The following ARID1B variants were observed in gnomAD, a reference collection of about 807,000 sequenced individuals.
The protein encoded by ARID1B is AT-rich interactive domain-containing protein 1B.
A neutral mutation model predicts 212.3 loss-of-function variants in ARID1B; 30 were observed. The observed-to-expected ratio is 0.14, with a 90% CI of 0.11 to 0.19. The LOEUF is 0.19. ARID1B is among the 10% of genes least tolerant of loss of function. The pLI, the probability that ARID1B is intolerant of heterozygous loss-of-function variation, is 1.00. For missense variants in ARID1B, 2,891 were observed against 3,204.0 expected, an observed-to-expected ratio of 0.90 and a Z score of 2.36; for synonymous variants, 1,402 against 1,301.7, an observed-to-expected ratio of 1.08 and a Z score of -1.66.
intron 4 of ARID1B, among the ~76,000 whole-genome samples, chr6:156,946,203 G>GAA (rs58722867): frequency 0.033 from 4,188 of 127,922 alleles, 219 homozygotes; most frequent in East Asian, 0.24. Flanking sequence ...CTAAAAATAC[G>GAA]AAAAAAAAAA....
intron 4 of ARID1B, among the ~76,000 whole-genome samples, chr6:156,945,193 C>T (rs1793007769): frequency 1.4e-5 from 2 of 145,512 alleles, no homozygotes; most frequent in South Asian, 4.4e-4. Context: ...CCTCTGCCAC[C>T]CAAAGTACTG....
At chr6:157,062,860 C>T (rs1583238649) in intron 4 of ARID1B, among the ~76,000 whole-genome samples, 1 of 151,718 alleles carries the variant, frequency 6.6e-6, no homozygotes, top group Admixed American at 6.6e-5. Context: ...CGCACCAGCA[C>T]ACCTGCCTAA....
intron 7 of ARID1B, among the ~76,000 whole-genome samples, chr6:157,136,994 A>G (rs932934991): frequency 3.3e-5 from 5 of 152,166 alleles, no homozygotes; most frequent in African/African-American, 9.7e-5. Flanking sequence ...CCTGGGCAAC[A>G]TGGTAGAACC....
chr6:156,983,028 G>T (rs529996802), intron 4 of ARID1B, among the ~76,000 whole-genome samples: 1 of 151,710 alleles, frequency 6.6e-6, no homozygotes, highest in African/African-American at 2.4e-5. Context: ...CTGGGAGGTG[G>T]AGGTTGCAGT....
chr6:156,810,514 A>G (rs574793125), intron 1 of ARID1B, among the ~76,000 whole-genome samples: 3 of 152,184 alleles, frequency 2.0e-5, no homozygotes, highest in Non-Finnish European at 2.9e-5. Flanking sequence ...CTCTCTTGCT[A>G]TTTCACAGCC....
intron 2 of ARID1B, among the ~76,000 whole-genome samples, chr6:156,880,739 C>CAAAAAAAAAAAAAAAAAAAAA (rs141153792): frequency 1.1e-5 from 1 of 86,992 alleles, no homozygotes; most frequent in Admixed American, 1.7e-4. Flanking sequence ...GACTCTGTCT[C>CAAAAAAAAAAAAAAAAAAAAA]AAAAAAAAAA....
chr6:157,187,562 C>T (rs986276878), intron 13 of ARID1B, among the ~76,000 whole-genome samples: 3 of 152,162 alleles, frequency 2.0e-5, no homozygotes, highest in Non-Finnish European at 2.9e-5. Flanking sequence ...GGTAAATTAT[C>T]TTCCCAGCTA....
intron 4 of ARID1B, among the ~76,000 whole-genome samples, chr6:156,957,608 A>G (rs532340163): frequency 6.6e-6 from 1 of 152,316 alleles, no homozygotes; most frequent in African/African-American, 2.4e-5. Context: ...ATGGTTTGGT[A>G]AATCATGTCC....
At chr6:157,104,936 G>A (rs941629651) in intron 5 of ARID1B, among the ~76,000 whole-genome samples, 2 of 152,160 alleles carry the variant, frequency 1.3e-5, no homozygotes, top group African/African-American at 4.8e-5. Flanking sequence ...AAGGTGAGGA[G>A]CACTATTCTT....
rs749255450 is a variant in ARID1B, at chr6:157,184,445, G to A, written c.3919+10G>A. 14 of 1,613,710 alleles carry A rather than the reference G, an allele frequency of 8.7e-6. No individual in the cohort carries two copies. The highest frequency in any genetic ancestry group is 2.7e-5 in the African/African-American group (2 of 74,940). On this transcript the variant is annotated intron_variant, in intron 13 of 19. Coordinates refer to ENST00000636930, the MANE Select transcript of ARID1B (RefSeq NM_001374828.1). ...CAGCCGCCATCTCCTGGTAAGTGGC[G>A]GCGCTGCAGTCACTGGCCCAGGAAA...
At chr6:156,850,588 C>T (rs1023969439) in intron 2 of ARID1B, among the ~76,000 whole-genome samples, 7 of 152,220 alleles carry the variant, frequency 4.6e-5, no homozygotes, top group South Asian at 4.2e-4. Flanking sequence ...AGTGGCTCTT[C>T]GTTGTAATTA....
In ARID1B at chr6:156,838,058, C is replaced by G. The variant is rs542896655; in HGVS notation, c.1986+8637C>G. 3.3e-5 allele frequency among the ~76,000 whole-genome samples: 5 copies of G among 152,268 alleles called. No homozygotes were observed. In the South Asian group the frequency reaches 1.0e-3, roughly 32 times the overall value. On this transcript the variant is annotated intron_variant, in intron 2 of 19. Transcript: ENST00000636930. ...AGTGTGTTTAATTTAGAAAGCAGAC[C>G]ATATTCCAAAGAATGAGCCAAATTC... is the stretch of plus-strand genomic sequence containing the variant.
intron 5 of ARID1B, among the ~76,000 whole-genome samples, chr6:157,102,508 TA>T (rs972123516): frequency 4.6e-5 from 7 of 152,114 alleles, no homozygotes; most frequent in South Asian, 2.1e-4. Context: ...CCTTCCCCTT[TA>T]AATATGGAAG....
intron 1 of ARID1B, among the ~76,000 whole-genome samples, chr6:156,823,688 G>GTTGTTT (rs371775783): frequency 1.7e-5 from 2 of 118,030 alleles, no homozygotes; most frequent in African/African-American, 3.2e-5. Context: ...TTTCTTTGTT[G>GTTGTTT]TTTTTTTTTT....
chr6:156,972,213 A>T (rs1292992057), intron 4 of ARID1B, among the ~76,000 whole-genome samples: 3 of 152,222 alleles, frequency 2.0e-5, no homozygotes, highest in African/African-American at 7.2e-5. Flanking sequence ...AATTTTAGTT[A>T]ATGTATACTT....
chr6:157,156,800 C>T (rs1227392404), intron 8 of ARID1B, among the ~76,000 whole-genome samples: 1 of 152,166 alleles, frequency 6.6e-6, no homozygotes, highest in Non-Finnish European at 1.5e-5. Flanking sequence ...CTGCAGAGCA[C>T]GGAGGCAGCA....
intron 2 of ARID1B, among the ~76,000 whole-genome samples, chr6:156,835,114 C>T (rs1397181048): frequency 3.3e-5 from 5 of 151,870 alleles, no homozygotes; most frequent in African/African-American, 4.8e-5. Context: ...GTGGCGGGCG[C>T]CTGTAGTCCC....
intron 1 of ARID1B, among the ~76,000 whole-genome samples, chr6:156,786,086 C>G (rs1011968543): frequency 9.9e-5 from 15 of 152,166 alleles, no homozygotes; most frequent in Non-Finnish European, 2.2e-4. Flanking sequence ...TGAACTGTTA[C>G]CATTCTCACT....
At chr6:157,040,654 C>CG (rs1164300895) in intron 4 of ARID1B, among the ~76,000 whole-genome samples, 1 of 152,150 alleles carries the variant, frequency 6.6e-6, no homozygotes, top group African/African-American at 2.4e-5. Flanking sequence ...GTACATGTGG[C>CG]GAAACTACAA....
Sources: gnomAD v4.1 joint callset for allele counts (sites outside exome capture counted in the v4.1 genomes callset) on GRCh38, gnomAD v4.1.1 for gene constraint, MANE v1.5 for transcripts, NCBI Gene and HGNC (gene_info 2026-07-23, HGNC 2026-07-21) for gene names.